Variants in SNX30 observed in about 807,000 individuals in gnomAD.
SNX30 encodes the protein sorting nexin-30.
SNX30 carries 24 observed loss-of-function variants against 46.4 expected under a neutral mutation model. The observed-to-expected ratio is 0.52, with a 90% confidence interval of 0.37 to 0.73. The LOEUF (loss-of-function observed/expected upper bound fraction) is 0.73. SNX30 is among the 30% of genes least tolerant of loss of function. The probability of loss-of-function intolerance (pLI) is 0.00; values close to 1 mark genes in which losing one functional copy is unlikely to be tolerated. For missense variants in SNX30, 533 were observed against 555.7 expected (o/e 0.96, Z 0.41); for synonymous variants, 189 against 211.5 (o/e 0.89, Z 0.92).
intron 7 of SNX30, among the ~76,000 whole-genome samples, chr9:112,853,616 A>G (rs1841069043): frequency 1.3e-5 from 2 of 152,264 alleles, no homozygotes; most frequent in Non-Finnish European, 2.9e-5. Context: ...GAAGTCATTC[A>G]CAGAAAACAA....
chr9:112,763,082 AAGTC>A (rs1438306374), intron 1 of SNX30, among the ~76,000 whole-genome samples: 1 of 152,106 alleles, frequency 6.6e-6, no homozygotes, highest in Non-Finnish European at 1.5e-5. Flanking sequence ...TGGTAGGTGG[AAGTC>A]AGACCAGTGG....
At chr9:112,854,047 T>C (rs1211397265) in intron 7 of SNX30, among the ~76,000 whole-genome samples, 1 of 152,232 alleles carries the variant, frequency 6.6e-6, no homozygotes, top group African/African-American at 2.4e-5. Flanking sequence ...ATAGCATCTG[T>C]ACAAGCTCAG....
downstream of SNX30, among the ~76,000 whole-genome samples, chr9:112,876,442 T>C (rs1841518432): frequency 6.6e-6 from 1 of 151,906 alleles, no homozygotes; most frequent in Non-Finnish European, 1.5e-5. Context: ...AGACCCCGTC[T>C]CTACAAAAAT....
chr9:112,810,222 T>G (rs1031862653), intron 2 of SNX30, among the ~76,000 whole-genome samples: 1 of 152,026 alleles, frequency 6.6e-6, no homozygotes, highest in Non-Finnish European at 1.5e-5. Flanking sequence ...ATTTGGACAG[T>G]GTGGGAGTGA....
chr9:112,842,092 C>T (rs1840869549), intron 6 of SNX30, among the ~76,000 whole-genome samples: 1 of 152,248 alleles, frequency 6.6e-6, no homozygotes, highest in South Asian at 2.1e-4. Context: ...TAGAGGTGCA[C>T]ATCACCACGC....
intron 6 of SNX30, among the ~76,000 whole-genome samples, chr9:112,848,290 A>G (rs1190720311): frequency 6.6e-6 from 1 of 152,042 alleles, no homozygotes; most frequent in African/African-American, 2.4e-5. Flanking sequence ...CTCATCTGAC[A>G]GCCATAGGCT....
chr9:112,811,396 C>T (rs988359967), intron 2 of SNX30, among the ~76,000 whole-genome samples: 4 of 152,166 alleles, frequency 2.6e-5, no homozygotes, highest in African/African-American at 7.2e-5. Flanking sequence ...GGACGTTCTT[C>T]GGAACGGCCT....
chr9:112,784,135 G>T (rs1270138128), intron 1 of SNX30, among the ~76,000 whole-genome samples: 1 of 152,026 alleles, frequency 6.6e-6, no homozygotes, highest in Non-Finnish European at 1.5e-5. Context: ...CATTCATCAG[G>T]GTATCCCAGG....
In SNX30 at chr9:112,761,051, C is replaced by A. The variant is rs141147876; in HGVS notation, c.156+9894C>A. ...TCTAGAGGTGGAGATTAGTGAGAGA[C>A]GAGGTGGGTAGACAGGTCAGGAGGT... On this transcript the variant is annotated intron_variant, in intron 1 of 8. Transcript: ENST00000374232. Among the ~76,000 whole-genome samples, 32 of 152,218 alleles carry A rather than the reference C, an allele frequency of 2.1e-4. 1 individual carries two copies. In the East Asian group the frequency reaches 6.2e-3, roughly 29 times the overall value.
At chr9:112,826,894 G>A (rs935093272) in intron 3 of SNX30, among the ~76,000 whole-genome samples, 5 of 152,178 alleles carry the variant, frequency 3.3e-5, no homozygotes, top group African/African-American at 4.8e-5. Context: ...GGCCAGCATC[G>A]GGCTGAGTGG....
At chr9:112,767,425 C>T (rs1839561684) in intron 1 of SNX30, among the ~76,000 whole-genome samples, 1 of 152,116 alleles carries the variant, frequency 6.6e-6, no homozygotes, top group African/African-American at 2.4e-5. Context: ...TCGGACAAAA[C>T]ATAAGTTTTT....
At chr9:112,855,891 A>C (rs1451867704) in intron 7 of SNX30, among the ~76,000 whole-genome samples, 2 of 152,092 alleles carry the variant, frequency 1.3e-5, no homozygotes, top group Non-Finnish European at 2.9e-5. Context: ...ACACCTTAGA[A>C]TCTAACCCGC....
chr9:112,817,900 G>T, intron 3 of SNX30, 85 bp downstream of exon 3: 1 of 850,154 alleles, frequency 1.2e-6, no homozygotes. Flanking sequence ...CATCCCTTAA[G>T]TTATACAGAC....
chr9:112,807,006 C>G (rs1478773609), intron 2 of SNX30, among the ~76,000 whole-genome samples: 2 of 148,570 alleles, frequency 1.3e-5, no homozygotes, highest in Non-Finnish European at 3.0e-5. Context: ...GACATTTAAG[C>G]CTGCTCCAGT....
chr9:112,881,140 G>A (rs1030719467), intron 5 of SNX30, among the ~76,000 whole-genome samples: 1 of 152,198 alleles, frequency 6.6e-6, no homozygotes, highest in South Asian at 2.1e-4. Flanking sequence ...AATTAGGTCT[G>A]AACTGAAGTC....
In SNX30 at chr9:112,827,835, C is replaced by T. The variant is rs186105308; in HGVS notation, c.460-2890C>T. Among the ~76,000 whole-genome samples the T allele has an allele frequency of 1.1e-4, 17 of 152,310 alleles. No individual in the cohort carries two copies. In the East Asian group the frequency reaches 3.3e-3, roughly 29 times the overall value. ...TAACATTAGAAAATATATTAATTTACCACTTACCGTATTAAAGGAAAAAGC... is the reference window on the plus strand; with the variant it reads ...TAACATTAGAAAATATATTAATTTATCACTTACCGTATTAAAGGAAAAAGC... On this transcript the variant is annotated intron_variant, in intron 3 of 8. Coordinates refer to ENST00000374232, the MANE Select transcript of SNX30 (RefSeq NM_001012994.2).
chr9:112,817,401 C>CTGTTTTTTTTTTTTTTTTTTT (rs1840414391), intron 2 of SNX30, among the ~76,000 whole-genome samples: 1 of 46,832 alleles, frequency 2.1e-5, no homozygotes, highest in African/African-American at 9.7e-5. Context: ...AAAAAACTGG[C>CTGTTTTTTTTTTTTTTTTTTT]TTTTTTTTTT....
rs573573866 is a variant in SNX30 at position 112,810,540 on chromosome 9, A to G, written c.348+5573A>G. ...AGGAACTTTAGGTCCCAAGAGGCTG[A>G]GAAACCAAGGATGTTGGGAAGAGGA... On this transcript the variant is annotated intron_variant, in intron 2 of 8. Transcript: ENST00000374232. Among the ~76,000 whole-genome samples, 4 of 152,368 alleles carry G rather than the reference A, an allele frequency of 2.6e-5. No homozygotes were observed. In the East Asian group the frequency reaches 5.8e-4, roughly 22 times the overall value.
intron 5 of SNX30, among the ~76,000 whole-genome samples, chr9:112,837,765 G>A (rs371931451): frequency 1.9e-3 from 281 of 148,210 alleles, no homozygotes; most frequent in African/African-American, 6.4e-3. Flanking sequence ...GTGAGCCACC[G>A]TGCCTGGCCC....
Sources: gnomAD v4.1 joint callset for allele counts (sites outside exome capture counted in the v4.1 genomes callset) on GRCh38, gnomAD v4.1.1 for gene constraint, MANE v1.5 for transcripts, NCBI Gene and HGNC (gene_info 2026-07-23, HGNC 2026-07-21) for gene names.